Variants in PLPP1 observed in about 807,000 individuals in gnomAD.
The protein encoded by PLPP1 is phospholipid phosphatase 1.
A neutral mutation model predicts 31.2 loss-of-function variants in PLPP1; 24 were observed. The observed-to-expected ratio is 0.77, with a 90% CI of 0.56 to 1.08. The LOEUF (loss-of-function observed/expected upper bound fraction) is 1.08, where lower values mean the gene tolerates loss of function less well. PLPP1 is among the 50% of genes least tolerant of loss of function. The pLI is 0.00. For synonymous variants in PLPP1, 146 were observed against 126.3 expected (o/e 1.16, Z -1.05); for missense variants, 319 against 342.7 (o/e 0.93, Z 0.55).
At chr5:55,498,548 G>A (rs539414467) in intron 1 of PLPP1, among the ~76,000 whole-genome samples, 2 of 152,164 alleles carry the variant, frequency 1.3e-5, no homozygotes, top group South Asian at 4.2e-4. Context: ...AGCATTTCAA[G>A]GAATATTTAT....
In PLPP1 at chr5:55,483,767, T is replaced by G. The variant is rs533786613; in HGVS notation, c.59-8317A>C. 1.6e-4 allele frequency among the ~76,000 whole-genome samples: 24 copies of G among 151,740 alleles called. No homozygotes were observed. In the South Asian group the frequency reaches 2.7e-3, roughly 17 times the overall value. Reference sequence around the variant, plus strand: ...CACTTAGAATGACTTTACAAAAATCTCCAACCAAAAACTATAACAATCCAC... The same window carrying G: ...CACTTAGAATGACTTTACAAAAATCGCCAACCAAAAACTATAACAATCCAC... On this transcript the variant is annotated intron_variant, in intron 1 of 5. Transcript: ENST00000307259.
At chr5:55,463,181 T>A (rs1171013698) in intron 3 of PLPP1, among the ~76,000 whole-genome samples, 5 of 151,792 alleles carry the variant, frequency 3.3e-5, no homozygotes, top group African/African-American at 1.2e-4. Context: ...CCGGGGCCTG[T>A]CAGGGGGTGT....
intron 1 of PLPP1, among the ~76,000 whole-genome samples, chr5:55,507,721 G>C (rs1371135166): frequency 1.3e-5 from 2 of 152,168 alleles, no homozygotes; most frequent in Non-Finnish European, 2.9e-5. Context: ...ATGAGACCGA[G>C]AGCCCTCTGG....
chr5:55,426,062 A>AAAAT (rs1428674396), intron 4 of PLPP1, 23 bp from the exon 5 acceptor site: 1 of 1,552,454 alleles, frequency 6.4e-7, no homozygotes, highest in South Asian at 1.2e-5. Flanking sequence ...AATAAAGAAA[A>AAAAT]AAATAGTTTA....
At chr5:55,462,460 C>T (rs938606642) in intron 3 of PLPP1, among the ~76,000 whole-genome samples, 6 of 152,034 alleles carry the variant, frequency 3.9e-5, no homozygotes, top group Admixed American at 2.0e-4. Context: ...TAGATATTGA[C>T]CCTTTTTGTC....
intron 4 of PLPP1, among the ~76,000 whole-genome samples, chr5:55,434,815 C>T (rs1370619100): frequency 3.3e-5 from 5 of 152,088 alleles, no homozygotes; most frequent in African/African-American, 9.7e-5. Context: ...TCAAAGAAAA[C>T]ATAGGGGAAA....
intron 3 of PLPP1, among the ~76,000 whole-genome samples, chr5:55,455,546 G>A (rs1411374443): frequency 2.0e-5 from 3 of 152,158 alleles, no homozygotes; most frequent in Non-Finnish European, 2.9e-5. Flanking sequence ...GGTTGCACCC[G>A]GGAGGTCAAG....
chr5:55,514,718 A>G (rs1348553082), intron 1 of PLPP1, among the ~76,000 whole-genome samples: 1 of 152,266 alleles, frequency 6.6e-6, no homozygotes, highest in African/African-American at 2.4e-5. Context: ...CATGCCAAAA[A>G]CGACTGGCAA....
At chr5:55,513,407 G>A (rs1753483724) in intron 1 of PLPP1, among the ~76,000 whole-genome samples, 1 of 151,708 alleles carries the variant, frequency 6.6e-6, no homozygotes, top group Non-Finnish European at 1.5e-5. Context: ...ACTACAGGCA[G>A]GTACCACCAC....
intron 1 of PLPP1, among the ~76,000 whole-genome samples, chr5:55,480,682 C>T (rs1752650843): frequency 6.6e-6 from 1 of 152,076 alleles, no homozygotes; most frequent in Non-Finnish European, 1.5e-5. Context: ...TTGGTTTACC[C>T]ACTCACCAGT....
intron 3 of PLPP1, among the ~76,000 whole-genome samples, chr5:55,445,915 T>G (rs183749365): frequency 2.0e-5 from 3 of 152,156 alleles, no homozygotes; most frequent in African/African-American, 7.2e-5. Flanking sequence ...TCTCATCGCT[T>G]TGAGGCTATC....
intron 1 of PLPP1, among the ~76,000 whole-genome samples, chr5:55,508,168 T>G (rs1753325028): frequency 6.6e-6 from 1 of 152,196 alleles, no homozygotes; most frequent in African/African-American, 2.4e-5. Flanking sequence ...TAATAATTCT[T>G]GACAGAAGGC....
rs909266336 is a variant in PLPP1 at position 55,534,870 on chromosome 5, G to C, written c.-241C>G. On this transcript the variant is annotated 5_prime_UTR_variant, in exon 1 of 6. Coordinates refer to ENST00000307259, the MANE Select transcript of PLPP1 (RefSeq NM_003711.4). ...ACACTCGGTTAGTGCCGAGGCGCTC[G>C]TGTGCCAGCCGCGGCAGCTCTGTAG... 11 of 498,542 alleles carry C rather than the reference G, an allele frequency of 2.2e-5. No homozygotes were observed. The highest frequency in any genetic ancestry group is 3.2e-5 in the Non-Finnish European group (9 of 283,900). The allele number at this position is 498,542 out of a possible 1,614,324, so 30.9% of individuals were successfully genotyped here.
At chr5:55,526,661 G>A (rs1446045176) in intron 1 of PLPP1, among the ~76,000 whole-genome samples, 8 of 152,124 alleles carry the variant, frequency 5.3e-5, no homozygotes, top group East Asian at 1.9e-4. Flanking sequence ...GGCCAGGCAC[G>A]GTGGCTCACG....
chr5:55,475,405 T>G lies in PLPP1; in HGVS notation c.104A>C (p.Gln35Pro), dbSNP rs749268918. Residue 35 changes from glutamine (Q) to proline (P), a missense_variant, in exon 2 of 6, where the codon CAA becomes CCA. Coordinates refer to ENST00000307259, the MANE Select transcript of PLPP1 (RefSeq NM_003711.4). The stretch of plus-strand genomic sequence containing the variant: ...CTCATCATTACAGAATACTCCTCGT[T>G]GGAAGGGGGTATGCCTTGAAGTAAG... Reference protein sequence around the residue: ...AILTSRHTPFQRGVFCNDESI... With the variant: ...AILTSRHTPFPRGVFCNDESI... The G allele has an allele frequency of 1.2e-5, 19 of 1,612,646 alleles. No homozygotes were observed. The Middle Eastern group carries it at 4.9e-4, about 42-fold the overall frequency.
intron 4 of PLPP1, among the ~76,000 whole-genome samples, chr5:55,434,973 G>A (rs1751458932): frequency 6.6e-6 from 1 of 152,136 alleles, no homozygotes; most frequent in East Asian, 1.9e-4. Flanking sequence ...TCTGTTGAAT[G>A]GGAGAAAATA....
intron 1 of PLPP1, among the ~76,000 whole-genome samples, chr5:55,500,183 C>T (rs540528740): frequency 6.0e-5 from 9 of 151,136 alleles, no homozygotes; most frequent in African/African-American, 2.2e-4. Flanking sequence ...GGGTTCACAC[C>T]ATTCTCCTAC....
At chr5:55,514,493 A>G (rs963655338) in intron 1 of PLPP1, among the ~76,000 whole-genome samples, 1 of 152,256 alleles carries the variant, frequency 6.6e-6, no homozygotes, top group East Asian at 1.9e-4. Flanking sequence ...TTAAATCTTA[A>G]AAGTATTTAT....
chr5:55,462,626 A>C (rs1417886175), intron 3 of PLPP1, among the ~76,000 whole-genome samples: 1 of 152,210 alleles, frequency 6.6e-6, no homozygotes, highest in African/African-American at 2.4e-5. Flanking sequence ...AAAAATGATA[A>C]ATTAGATTCT....
Sources: allele counts gnomAD v4.1 joint callset (sites outside exome capture counted in the v4.1 genomes callset), GRCh38; gene constraint gnomAD v4.1.1; transcripts MANE v1.5; gene names NCBI Gene and HGNC (gene_info 2026-07-23, HGNC 2026-07-21).